Variants in PHEX observed in about 807,000 individuals in gnomAD.
PHEX encodes the protein phosphate-regulating neutral endopeptidase PHEX.
In PHEX, 16 loss-of-function variants were observed where a neutral mutation model predicts 68.0. The ratio of observed to expected loss-of-function variants is 0.24; its 90% CI spans 0.16 to 0.36. The LOEUF (loss-of-function observed/expected upper bound fraction) is 0.36. Ranked by LOEUF, PHEX falls within the 10% of genes least tolerant of loss-of-function variation. The pLI is 1.00. For missense variants in PHEX, 480 were observed against 575.5 expected, an observed-to-expected ratio of 0.83 and a Z score of 1.70; for synonymous variants, 208 against 205.1, an observed-to-expected ratio of 1.01 and a Z score of -0.12.
chrX:22,195,152 G>A (rs1371423157), intron 15 of PHEX, among the ~76,000 whole-genome samples: 2 of 111,844 alleles, frequency 1.8e-5, no homozygotes, highest in African/African-American at 3.3e-5. Context: ...TTAATGAGAC[G>A]AATTTGTAAA....
intron 5 of PHEX, among the ~76,000 whole-genome samples, chrX:22,083,016 C>G (rs1263548746): frequency 9.0e-6 from 1 of 111,553 alleles, no homozygotes; most frequent in Non-Finnish European, 1.9e-5. Flanking sequence ...ATACATAGAT[C>G]AATGGAAGCA....
At chrX:22,112,085 A>G (rs1177366068) in intron 10 of PHEX, among the ~76,000 whole-genome samples, 2 of 111,684 alleles carry the variant, frequency 1.8e-5, no homozygotes, top group Non-Finnish European at 3.8e-5. Flanking sequence ...AGAGGCTCCA[A>G]TTTAGTTTTC....
chrX:22,185,524 C>A (rs1934000313), intron 14 of PHEX, among the ~76,000 whole-genome samples: 1 of 111,544 alleles, frequency 9.0e-6, no homozygotes, highest in African/African-American at 3.3e-5. Context: ...TGAAGGAATT[C>A]CAATTCAATA....
chrX:22,209,782 TCC>T, intron 15 of PHEX, among the ~76,000 whole-genome samples: 2 of 82,411 alleles, frequency 2.4e-5, no homozygotes, highest in African/African-American at 1.0e-4. Flanking sequence ...CTCCCTCTCC[TCC>T]CTCTCTCTCT....
At chrX:22,245,868 C>T (rs1218518008) in intron 21 of PHEX, among the ~76,000 whole-genome samples, 2 of 111,973 alleles carry the variant, frequency 1.8e-5, no homozygotes, top group Non-Finnish European at 1.9e-5. Context: ...ATTTGATGTA[C>T]TCTGCCTTAA....
At chrX:22,188,113 T>C (rs1288844121) in intron 14 of PHEX, among the ~76,000 whole-genome samples, 3 of 112,229 alleles carry the variant, frequency 2.7e-5, no homozygotes, top group Non-Finnish European at 5.6e-5. Flanking sequence ...GGAGAAGGTA[T>C]GAGTTTACCA....
intron 6 of PHEX, among the ~76,000 whole-genome samples, chrX:22,090,947 G>C (rs1015476006): frequency 9.0e-5 from 10 of 111,628 alleles, no homozygotes; most frequent in African/African-American, 3.3e-4. Flanking sequence ...TAGACTTGAG[G>C]TAGGGTCTGA....
At chrX:22,242,274 A>G (rs919268313) in intron 20 of PHEX, among the ~76,000 whole-genome samples, 6 of 112,135 alleles carry the variant, frequency 5.4e-5, no homozygotes, top group Non-Finnish European at 9.4e-5. Flanking sequence ...GATGGAACGT[A>G]TCTCAAAATA....
chrX:22,117,149 G>A (rs960527681), intron 11 of PHEX, among the ~76,000 whole-genome samples: 10 of 112,256 alleles, frequency 8.9e-5, no homozygotes, highest in South Asian at 3.7e-4. Flanking sequence ...ACACTTTCAC[G>A]TAGACATATA....
intron 12 of PHEX, among the ~76,000 whole-genome samples, chrX:22,159,969 A>T (rs1315067999): frequency 1.8e-5 from 2 of 112,270 alleles, no homozygotes; most frequent in African/African-American, 6.5e-5. Flanking sequence ...TTGTTATAGA[A>T]TGGTTTTCCT....
intron 1 of PHEX, among the ~76,000 whole-genome samples, chrX:22,035,056 G>C (rs771306684): frequency 9.0e-5 from 10 of 110,645 alleles, no homozygotes; most frequent in Non-Finnish European, 1.9e-4. Flanking sequence ...ATTCTAGTTA[G>C]GGTCGTCGTC....
chrX:22,199,528 T>C (rs1934482904), intron 15 of PHEX, among the ~76,000 whole-genome samples: 1 of 111,719 alleles, frequency 9.0e-6, no homozygotes, highest in African/African-American at 3.3e-5. Flanking sequence ...TCTCTTGCTG[T>C]CCAGCTCTGT....
At chrX:22,145,094 A>G (rs1355455813) in intron 12 of PHEX, among the ~76,000 whole-genome samples, 1 of 112,230 alleles carries the variant, frequency 8.9e-6, no homozygotes. Context: ...GAGGCTCACA[A>G]TGCCACGTTG....
At chrX:22,097,394 C>A (rs138763372) in intron 8 of PHEX, among the ~76,000 whole-genome samples, 1,536 of 112,183 alleles carry the variant, frequency 0.014, 22 homozygotes, top group African/African-American at 0.046. Flanking sequence ...TTTTTGACTT[C>A]ATGTTTGATG....
At chrX:22,052,555 G>T (rs1034900375) in intron 3 of PHEX, among the ~76,000 whole-genome samples, 2 of 111,741 alleles carry the variant, frequency 1.8e-5, no homozygotes, top group Non-Finnish European at 3.8e-5. Context: ...CTTAATCAAT[G>T]CCTGTGTTAT....
intron 20 of PHEX, among the ~76,000 whole-genome samples, chrX:22,236,951 GAGAT>G (rs1231991314): frequency 1.8e-5 from 2 of 112,312 alleles, no homozygotes; most frequent in Admixed American, 9.4e-5. Context: ...GTAAACTAAA[GAGAT>G]AGATAGATAG....
In PHEX at chrX:22,138,807, G is replaced by A. The variant is rs1316449586; in HGVS notation, c.1404+5183G>A. Among the ~76,000 whole-genome samples, 3 of 112,124 alleles carry A rather than the reference G, an allele frequency of 2.7e-5. No individual in the cohort carries two copies. The East Asian group carries it at 8.5e-4, about 32-fold the overall frequency. ...CAAGAATGCAGTCACCCTGCGTCTG[G>A]CATCCACTCCAGGGCTCACCAGGGA... On this transcript the variant is annotated intron_variant, in intron 12 of 21. Transcript: ENST00000379374.
chrX:22,091,468 AT>A (rs1449043178), intron 6 of PHEX, among the ~76,000 whole-genome samples: 1 of 111,971 alleles, frequency 8.9e-6, no homozygotes, highest in Non-Finnish European at 1.9e-5. Context: ...TATAGGTCAG[AT>A]TCTTGTTAAC....
intron 5 of PHEX, among the ~76,000 whole-genome samples, chrX:22,078,956 A>G (rs187843506): frequency 8.9e-6 from 1 of 112,314 alleles, no homozygotes; most frequent in East Asian, 2.8e-4. Context: ...CTATCAGGAT[A>G]AGATGTGCTA....
Sources: allele counts gnomAD v4.1 joint callset (sites outside exome capture counted in the v4.1 genomes callset), GRCh38; gene constraint gnomAD v4.1.1; transcripts MANE v1.5; gene names NCBI Gene and HGNC (gene_info 2026-07-23, HGNC 2026-07-21).